Variants in DNAAF5 observed in about 807,000 individuals in gnomAD.
DNAAF5 encodes the protein dynein axonemal assembly factor 5.
In DNAAF5, 64 loss-of-function variants were observed where a neutral mutation model predicts 75.8. That is an observed-to-expected ratio of 0.84 (90% CI 0.69 to 1.04). DNAAF5 has a LOEUF of 1.04. Ranked by LOEUF, DNAAF5 falls within the 50% of genes least tolerant of loss-of-function variation. DNAAF5 has a pLI of 0.00. For synonymous variants in DNAAF5, 657 were observed against 557.2 expected, an observed-to-expected ratio of 1.18 and a Z score of -2.52; for missense variants, 1,269 against 1,178.5, an observed-to-expected ratio of 1.08 and a Z score of -1.12.
rs188567227 is a variant in DNAAF5 at position 762,442 on chromosome 7, G to A, written c.1614+546G>A. ...GCAGAGGTTGCAGTGAGCCAAGATC[G>A]TGCCACTGCACTCCAGCCTGGGCTG... On this transcript the variant is annotated intron_variant, in intron 7 of 12. Transcript: ENST00000297440. 1.2e-4 allele frequency among the ~76,000 whole-genome samples: 18 copies of A among 151,282 alleles called. No individual in the cohort carries two copies. In the East Asian group the frequency reaches 2.4e-3, roughly 20 times the overall value.
At chr7:760,171 G>A (rs893170991) in intron 6 of DNAAF5, among the ~76,000 whole-genome samples, 2 of 152,142 alleles carry the variant, frequency 1.3e-5, no homozygotes, top group South Asian at 2.1e-4. Context: ...GGGTCAGGGC[G>A]GGGCCGGGGT....
At position 754,494 on chromosome 7, in the gene DNAAF5, A is replaced by T. The variant is rs948028220; in HGVS notation, c.1025-95A>T. On this transcript the variant is annotated intron_variant, in intron 4 of 12. Coordinates refer to ENST00000297440, the MANE Select transcript of DNAAF5 (RefSeq NM_017802.4). This position sits in a 1 kb window ranked among gnomAD's most constrained non-coding sequence, Gnocchi z 4.8. ...CTTGTTTTGAAATGGTGAGGTTGAA[A>T]CTCACAGGTGTCCCTTAAATGTGAT... 9.8e-7 allele frequency: 1 copy of T among 1,023,074 alleles called. No individual in the cohort carries two copies. The highest frequency in any genetic ancestry group is 1.5e-6 in the Non-Finnish European group (1 of 662,756). The allele number at this position is 1,023,074 out of a possible 1,614,324, so 63.4% of individuals were successfully genotyped here.
intron 5 of DNAAF5, 111 bp from the exon 6 acceptor site, chr7:756,671 G>A (rs1407196822): frequency 1.4e-5 from 13 of 925,264 alleles, no homozygotes; most frequent in East Asian, 2.4e-5. Flanking sequence ...TGCCTAACAC[G>A]GGGCTCTGTC....
At chr7:776,794 CA>C (rs1330010926) in intron 11 of DNAAF5, among the ~76,000 whole-genome samples, 2 of 152,218 alleles carry the variant, frequency 1.3e-5, no homozygotes, top group Non-Finnish European at 2.9e-5. Flanking sequence ...CCACCCAGGC[CA>C]TGGGCCAGTA....
chr7:751,150 CA>C (rs201795811), intron 4 of DNAAF5, among the ~76,000 whole-genome samples: 1 of 148,904 alleles, frequency 6.7e-6, no homozygotes, highest in African/African-American at 2.5e-5. Flanking sequence ...GACTGCATTT[CA>C]AAAAAAAACG....
At chr7:780,484 T>C (rs1241759900) in intron 12 of DNAAF5, among the ~76,000 whole-genome samples, 1 of 152,258 alleles carries the variant, frequency 6.6e-6, no homozygotes, top group Non-Finnish European at 1.5e-5. Context: ...AGAACGATTT[T>C]TGCAAATGTC....
Position 756,846 on chromosome 7 carries a change from T to C in DNAAF5, c.1322T>C (p.Leu441Ser). 4 of 1,614,016 alleles carry C rather than the reference T, an allele frequency of 2.5e-6. No homozygotes were observed. The highest frequency in any genetic ancestry group is 3.4e-6 in the Non-Finnish European group (4 of 1,180,020). Residue 441 changes from leucine (L) to serine (S), a missense_variant, in exon 6 of 13, where the codon TTA becomes TCA. Physicochemically the swap from Leu to Ser is moderately radical, Grantham distance 145. Transcript: ENST00000297440. ...VSPEVFLKLI[L>S]STLKKTPSAS... ...CCTGAGGTGTTTCTGAAGCTGATCTTATCGACGCTGAAGAAGACGCCCTCT... is the reference window on the plus strand; with the variant it reads ...CCTGAGGTGTTTCTGAAGCTGATCTCATCGACGCTGAAGAAGACGCCCTCT...
chr7:775,088 G>A lies in DNAAF5; in HGVS notation c.2165G>A (p.Cys722Tyr). Residue 722 changes from cysteine to tyrosine, a missense_variant, in exon 11 of 13, where the codon TGC (cysteine) becomes TAC (tyrosine). Cys to Tyr is a radical substitution (Grantham distance 194). Transcript: ENST00000297440. ...TCGAAGATGACGCGACTGATCTCAT[G>A]CCGTATTATCAACACGTTCTTAAAA... ...EDSKMTRLIS[C>Y]RIINTFLKTS... The A allele has an allele frequency of 6.2e-7, 1 of 1,614,118 alleles. No individual in the cohort carries two copies. The highest frequency in any genetic ancestry group is 8.5e-7 in the Non-Finnish European group (1 of 1,180,026).
intron 2 of DNAAF5, among the ~76,000 whole-genome samples, chr7:736,158 TGAG>T (rs1339570946): frequency 6.6e-6 from 1 of 152,248 alleles, no homozygotes; most frequent in Non-Finnish European, 1.5e-5. Flanking sequence ...ATCTGTGTGC[TGAG>T]GAGAAGAATG....
chr7:737,257 A>G (rs1254100955), intron 2 of DNAAF5, among the ~76,000 whole-genome samples: 2 of 151,770 alleles, frequency 1.3e-5, no homozygotes, highest in Non-Finnish European at 2.9e-5. Context: ...CACCACACCC[A>G]GCTAATTTTT....
At chr7:783,492 C>T (rs934742259) in intron 12 of DNAAF5, among the ~76,000 whole-genome samples, 2 of 152,186 alleles carry the variant, frequency 1.3e-5, no homozygotes, top group Non-Finnish European at 2.9e-5. Flanking sequence ...ACCCCGAGGG[C>T]CTTGGAGCCC....
At position 726,856 on chromosome 7, in the gene DNAAF5, CG is replaced by C; in HGVS notation, c.138del (p.Arg47GlyfsTer39). 7.6e-7 allele frequency: 1 copy of C among 1,317,942 alleles called. No individual in the cohort carries two copies. Among genetic ancestry groups the C allele is most frequent in the Non-Finnish European group, 9.6e-7 (1 of 1,036,702 alleles). 81.6% of individuals were successfully genotyped at this position (1,317,942 alleles called of 1,614,324 possible). A position where few individuals can be genotyped will look rare whatever the true frequency, so the allele number is the denominator to read the frequency against. On this transcript the variant is annotated frameshift_variant, in exon 1 of 13. Transcript: ENST00000297440. LOFTEE classifies it high-confidence loss of function. Reference sequence around the variant, plus strand: ...GCTGGAGGCCGACAGCAAGCCGGGCCGGCGGCGCGCCTTGGAGGCCCTGCGG... The same window carrying C: ...GCTGGAGGCCGACAGCAAGCCGGGCCGCGGCGCGCCTTGGAGGCCCTGCGG... Reference protein sequence around the residue: ...PGLEADSKPGRRRALEALRRA... With the variant: ...PGLEADSKPGXRRALEALRRA...
At chr7:775,819 G>A (rs562828825) in intron 11 of DNAAF5, among the ~76,000 whole-genome samples, 40 of 151,958 alleles carry the variant, frequency 2.6e-4, no homozygotes, top group Middle Eastern at 3.4e-3. Context: ...CGTGAAGGAA[G>A]CGTCGTGTGG....
chr7:760,674 A>T (rs765211877), intron 6 of DNAAF5, among the ~76,000 whole-genome samples: 2 of 152,250 alleles, frequency 1.3e-5, no homozygotes, highest in Non-Finnish European at 2.9e-5. Context: ...AAATTTATTT[A>T]GAAAGAAGTA....
At chr7:736,271 C>T (rs183695361) in intron 2 of DNAAF5, among the ~76,000 whole-genome samples, 5 of 152,334 alleles carry the variant, frequency 3.3e-5, no homozygotes, top group South Asian at 2.1e-4. Context: ...TTGATTTTCT[C>T]TCTGGATGAT....
intron 7 of DNAAF5, among the ~76,000 whole-genome samples, 173 bp downstream of exon 7, chr7:762,069 C>A (rs992389568): frequency 3.9e-5 from 6 of 152,180 alleles, no homozygotes; most frequent in Admixed American, 1.3e-4. Flanking sequence ...GGCAGCTCTC[C>A]AGCTGCCAGT....
At chr7:755,279 G>A (rs113803169) in intron 5 of DNAAF5, among the ~76,000 whole-genome samples, 2 of 152,276 alleles carry the variant, frequency 1.3e-5, no homozygotes, top group South Asian at 4.1e-4. Context: ...CCCTGGTGCA[G>A]TCCTCTTTCT....
intron 2 of DNAAF5, among the ~76,000 whole-genome samples, chr7:730,538 G>T (rs1278536055): frequency 6.6e-6 from 1 of 152,198 alleles, no homozygotes; most frequent in Admixed American, 6.5e-5. Context: ...TAGGTTTCCT[G>T]ATGAGAAATG....
At chr7:783,547 C>G (rs1779048400) in intron 12 of DNAAF5, among the ~76,000 whole-genome samples, 1 of 152,224 alleles carries the variant, frequency 6.6e-6, no homozygotes, top group Non-Finnish European at 1.5e-5. Context: ...GGTTGTCAGC[C>G]AGTGAGGGAG....
Sources: gnomAD v4.1 joint callset for allele counts (sites outside exome capture counted in the v4.1 genomes callset) on GRCh38, gnomAD v4.1.1 for gene constraint, Gnocchi (gnomAD v3.1) non-coding constraint, MANE v1.5 for transcripts, NCBI Gene and HGNC (gene_info 2026-07-23, HGNC 2026-07-21) for gene names.